Variants in SV2B observed in about 807,000 individuals in gnomAD.
SV2B encodes the protein solute carrier family 22 member B2.
In SV2B, 41 loss-of-function variants were observed where a neutral mutation model predicts 73.9. That is an observed-to-expected ratio of 0.56 (90% CI 0.43 to 0.72). The LOEUF is 0.72. Ranked by LOEUF, SV2B falls within the 30% of genes least tolerant of loss-of-function variation. SV2B has a pLI of 0.00. For synonymous variants in SV2B, 314 were observed against 314.2 expected (o/e 1.00, Z 0.01); for missense variants, 764 against 857.8 (o/e 0.89, Z 1.37).
intron 6 of SV2B, among the ~76,000 whole-genome samples, chr15:91,262,640 G>A (rs1379124157): frequency 1.3e-5 from 2 of 152,008 alleles, no homozygotes; most frequent in East Asian, 1.9e-4. Flanking sequence ...AGACCTCAGT[G>A]TTGGTTGTTC....
rs1053014485 is a variant in SV2B at position 91,115,571 on chromosome 15, C to G, written c.-392+15208C>G. 5.3e-5 allele frequency among the ~76,000 whole-genome samples: 8 copies of G among 151,416 alleles called. No homozygotes were observed. Among genetic ancestry groups the G allele is most frequent in the Non-Finnish European group, 1.2e-4 (8 of 67,910 alleles). ...TTTGTATTTTTAGTAGAGACAGGGT[C>G]TCGCCATGTTGCCCAGGCTGGTCTT... On this transcript the variant is annotated intron_variant, in intron 1 of 12. Transcript: ENST00000394232. This position sits in a 1 kb window ranked among gnomAD's most constrained non-coding sequence, Gnocchi z 4.3.
At chr15:91,213,558 C>T (rs1390351912) in intron 1 of SV2B, among the ~76,000 whole-genome samples, 1 of 152,002 alleles carries the variant, frequency 6.6e-6, no homozygotes, top group East Asian at 1.9e-4. Flanking sequence ...ACCTCGAAGG[C>T]AGCACTTCCT....
chr15:91,240,845 C>T lies in SV2B; in HGVS notation c.452-10974C>T, dbSNP rs915135674. ...CTGAGGATGTTAATTAGCCCTGCAGCCTCAGATGAGTGCTCTTGGCCCCGT... is the reference window on the plus strand; with the variant it reads ...CTGAGGATGTTAATTAGCCCTGCAGTCTCAGATGAGTGCTCTTGGCCCCGT... On this transcript the variant is annotated intron_variant, in intron 2 of 12. Coordinates refer to ENST00000394232, the MANE Select transcript of SV2B (RefSeq NM_001323032.3). The surrounding 1 kb of genome is among the most constrained non-coding windows in gnomAD (Gnocchi z 4.6). Among the ~76,000 whole-genome samples the T allele has an allele frequency of 5.9e-5, 9 of 152,200 alleles. No homozygotes were observed. The highest frequency in any genetic ancestry group is 1.9e-4 in the African/African-American group (8 of 41,440).
At chr15:91,154,600 A>C (rs2043425391) in intron 1 of SV2B, among the ~76,000 whole-genome samples, 1 of 152,164 alleles carries the variant, frequency 6.6e-6, no homozygotes, top group Non-Finnish European at 1.5e-5. Flanking sequence ...AACCAAGTTA[A>C]TTTGAGGTCA....
intron 1 of SV2B, among the ~76,000 whole-genome samples, chr15:91,204,822 C>T (rs577027261): frequency 6.6e-6 from 1 of 152,236 alleles, no homozygotes; most frequent in East Asian, 1.9e-4. Flanking sequence ...TCCCAAAGTG[C>T]TGGGATTACA....
rs1388188663 is a variant in SV2B at position 91,266,695 on chromosome 15, A to G, written c.1119+3A>G. On this transcript the variant is annotated splice_donor_region_variant and intron_variant, in intron 7 of 12. Transcript: ENST00000394232. ...GATTCAAGACCATTTTCAAGCAGGT[A>G]TGATTGGGAACTTACTTTGGATGAG... is the stretch of plus-strand genomic sequence containing the variant. 6.2e-7 allele frequency: 1 copy of G among 1,610,070 alleles called. No individual in the cohort carries two copies. The highest frequency in any genetic ancestry group is 1.3e-5 in the African/African-American group (1 of 74,800).
At chr15:91,147,965 CTTTTTTTTTTTTTTTTT>C (rs60896008) in intron 1 of SV2B, among the ~76,000 whole-genome samples, 16 of 39,262 alleles carry the variant, frequency 4.1e-4, no homozygotes, top group South Asian at 1.5e-3. Context: ...CCCCCCCCAA[CTTTTTTTTTTTTTTTTT>C]TTTTTTTTTT....
chr15:91,147,895 A>G (rs1218056622), intron 1 of SV2B, among the ~76,000 whole-genome samples: 1 of 147,688 alleles, frequency 6.8e-6, no homozygotes, highest in Non-Finnish European at 1.5e-5. Flanking sequence ...TCATTGCAGC[A>G]TTTAAGACAG....
chr15:91,178,033 C>T (rs1421401901), intron 1 of SV2B, among the ~76,000 whole-genome samples: 5 of 151,640 alleles, frequency 3.3e-5, no homozygotes, highest in African/African-American at 1.2e-4. Context: ...GTGGGTTTGT[C>T]ATAGATAGCT....
chr15:91,156,037 G>A (rs1237852964), intron 1 of SV2B, among the ~76,000 whole-genome samples: 1 of 151,988 alleles, frequency 6.6e-6, no homozygotes, highest in African/African-American at 2.4e-5. Context: ...GGGTTTGGTT[G>A]GAGAGAAGCA....
At chr15:91,211,341 C>G (rs1011448501) in intron 1 of SV2B, among the ~76,000 whole-genome samples, 9 of 152,060 alleles carry the variant, frequency 5.9e-5, no homozygotes, top group Admixed American at 5.2e-4. Context: ...GGGTGTGTGG[C>G]CTTCTCTTTG....
In SV2B at chr15:91,139,447, A is replaced by G. The variant is rs1202876256; in HGVS notation, c.-392+39084A>G. 6.6e-6 allele frequency among the ~76,000 whole-genome samples: 1 copy of G among 152,204 alleles called. No homozygotes were observed. Among genetic ancestry groups the G allele is most frequent in the Non-Finnish European group, 1.5e-5 (1 of 68,038 alleles). On this transcript the variant is annotated intron_variant, in intron 1 of 12. Transcript: ENST00000394232. The surrounding 1 kb of genome is among the most constrained non-coding windows in gnomAD (Gnocchi z 5.2). ...GCAGCAAAAATACCACCCTTGAGCTAAAACCAGAGCTGGGAAATGGAGGCA... is the reference window on the plus strand; with the variant it reads ...GCAGCAAAAATACCACCCTTGAGCTGAAACCAGAGCTGGGAAATGGAGGCA...
chr15:91,128,713 T>C lies in SV2B; in HGVS notation c.-392+28350T>C, dbSNP rs964722942. On this transcript the variant is annotated intron_variant, in intron 1 of 12. Transcript: ENST00000394232. This position sits in a 1 kb window ranked among gnomAD's most constrained non-coding sequence, Gnocchi z 4.2. ...AAAGAAATTATCTGACCAACCTTCT[T>C]TGACTATAGGTCCTAAGACTCTCAG... 12 of 152,260 alleles carry C rather than the reference T, an allele frequency of 7.9e-5. No individual in the cohort carries two copies. The highest frequency in any genetic ancestry group is 2.7e-4 in the African/African-American group (11 of 41,454). The allele number at this position is 152,260 out of a possible 1,614,324, so 9.4% of individuals were successfully genotyped here. A position where few individuals can be genotyped will look rare whatever the true frequency, so the allele number is the denominator to read the frequency against.
Position 91,289,835 on chromosome 15 carries a change from T to G in SV2B, c.1868+155T>G, listed in dbSNP as rs1012858477. ...TTTATGTTGAGCTTCTCCTGCATGG[T>G]GGATGGCATAGACCTGAAAGTTGGC... is the stretch of plus-strand genomic sequence containing the variant. On this transcript the variant is annotated intron_variant, in intron 12 of 12. Coordinates refer to ENST00000394232, the MANE Select transcript of SV2B (RefSeq NM_001323032.3). The surrounding 1 kb of genome is among the most constrained non-coding windows in gnomAD (Gnocchi z 4.9). 2.0e-5 allele frequency among the ~76,000 whole-genome samples: 3 copies of G among 152,144 alleles called. No individual in the cohort carries two copies. Among genetic ancestry groups the G allele is most frequent in the Non-Finnish European group, 4.4e-5 (3 of 68,018 alleles).
rs2041691680 is a variant in SV2B at position 91,100,477 on chromosome 15, G to T, written c.-392+114G>T. On this transcript the variant is annotated intron_variant, in intron 1 of 12. Transcript: ENST00000394232. This position sits in a 1 kb window ranked among gnomAD's most constrained non-coding sequence, Gnocchi z 6.4. ...GGGCTGAAATATACACGCTCGCACA[G>T]CTGAGTGCTGTTCATAGTAAATGGC... 1.3e-5 allele frequency: 2 copies of T among 152,276 alleles called. No homozygotes were observed. The highest frequency in any genetic ancestry group is 2.9e-5 in the Non-Finnish European group (2 of 68,050). The allele number at this position is 152,276 out of a possible 1,614,324, so 9.4% of individuals were successfully genotyped here. A position where few individuals can be genotyped will look rare whatever the true frequency, so the allele number is the denominator to read the frequency against.
chr15:91,267,514 C>G lies in SV2B; in HGVS notation c.1120-41C>G, dbSNP rs1462445276. 1 of 1,535,930 alleles carries G rather than the reference C, an allele frequency of 6.5e-7. No individual in the cohort carries two copies. On this transcript the variant is annotated intron_variant, in intron 7 of 12. Transcript: ENST00000394232. The surrounding 1 kb of genome is among the most constrained non-coding windows in gnomAD (Gnocchi z 4.3). Reference sequence around the variant, plus strand: ...TCTTCGTGGGAGAAACAAAGTCACACATTGCTTTCTTTAACAATCCTTCTC... The same window carrying G: ...TCTTCGTGGGAGAAACAAAGTCACAGATTGCTTTCTTTAACAATCCTTCTC...
At position 91,245,621 on chromosome 15, in the gene SV2B, C is replaced by T. The variant is rs1211834012; in HGVS notation, c.452-6198C>T. Among the ~76,000 whole-genome samples the T allele has an allele frequency of 6.6e-6, 1 of 152,196 alleles. No homozygotes were observed. Among genetic ancestry groups the T allele is most frequent in the Non-Finnish European group, 1.5e-5 (1 of 68,030 alleles). On this transcript the variant is annotated intron_variant, in intron 2 of 12. Transcript: ENST00000394232. This position sits in a 1 kb window ranked among gnomAD's most constrained non-coding sequence, Gnocchi z 4.2. ...TGGAGTACCTACTATGTGTACATCT[C>T]TGTGCTAGAGACACAGTGTCGAACT...
intron 6 of SV2B, 102 bp from the exon 7 acceptor site, chr15:91,266,480 C>T (rs1228495939): frequency 2.4e-5 from 21 of 885,262 alleles, no homozygotes; most frequent in African/African-American, 8.4e-5. Context: ...TCGCAGACTC[C>T]TCTAGTCCTA....
Position 91,261,243 on chromosome 15 carries a change from A to G in SV2B, c.1008+834A>G, listed in dbSNP as rs1298832874. Among the ~76,000 whole-genome samples, 3 of 148,004 alleles carry G rather than the reference A, an allele frequency of 2.0e-5. No individual in the cohort carries two copies. The highest frequency in any genetic ancestry group is 7.8e-5 in the African/African-American group (3 of 38,296). On this transcript the variant is annotated intron_variant, in intron 6 of 12. Transcript: ENST00000394232. The surrounding 1 kb of genome is among the most constrained non-coding windows in gnomAD (Gnocchi z 4.7). ...GTGCCACTGCACTCCAGCCTGGGCA[A>G]CAGAGCAGGACTGTGTCTGAAAAAA...
Sources: allele counts gnomAD v4.1 joint callset (sites outside exome capture counted in the v4.1 genomes callset), GRCh38; gene constraint gnomAD v4.1.1; non-coding constraint Gnocchi (gnomAD v3.1); transcripts MANE v1.5; gene names NCBI Gene and HGNC (gene_info 2026-07-23, HGNC 2026-07-21).